CFAP299: variants seen among roughly 807,000 people sequenced by gnomAD.
The protein encoded by CFAP299 is cilia and flagella associated protein 299, also known as cilia- and flagella-associated protein 299.
In CFAP299, 21 loss-of-function variants were observed where a neutral mutation model predicts 27.0. The ratio of observed to expected loss-of-function variants is 0.78; its 90% CI spans 0.55 to 1.12. The LOEUF is 1.12. CFAP299 is among the 50% of genes most tolerant of loss of function. CFAP299 has a pLI of 0.00. For missense variants in CFAP299, 310 were observed against 276.6 expected (o/e 1.12, Z -0.86); for synonymous variants, 104 against 98.1 (o/e 1.06, Z -0.36).
chr4:80,447,138 T>TTTTTTTTTTTTTTTTTTTTTTG (rs1728667569), intron 2 of CFAP299, among the ~76,000 whole-genome samples: 1 of 112,012 alleles, frequency 8.9e-6, no homozygotes, highest in Non-Finnish European at 1.7e-5. Flanking sequence ...TTGTTTTTTT[T>TTTTTTTTTTTTTTTTTTTTTTG]TTTTTTTTTT....
intron 5 of CFAP299, among the ~76,000 whole-genome samples, chr4:80,947,497 G>A (rs778967943): frequency 6.6e-6 from 1 of 152,086 alleles, no homozygotes; most frequent in South Asian, 2.1e-4. Flanking sequence ...AAGATAGAGA[G>A]TTGTTGTAGT....
At chr4:80,911,723 A>G (rs1445496250) in intron 4 of CFAP299, among the ~76,000 whole-genome samples, 1 of 152,196 alleles carries the variant, frequency 6.6e-6, no homozygotes, top group Admixed American at 6.5e-5. Flanking sequence ...AGAGAAAGGA[A>G]ATCAGAATCA....
intron 2 of CFAP299, among the ~76,000 whole-genome samples, chr4:80,438,764 CTTGTA>C (rs1306376356): frequency 5.9e-5 from 9 of 152,108 alleles, no homozygotes; most frequent in African/African-American, 9.7e-5. Context: ...GGTATTTTAA[CTTGTA>C]TTGTACTAGT....
At chr4:80,857,879 G>A (rs1367719376) in intron 3 of CFAP299, among the ~76,000 whole-genome samples, 2 of 151,824 alleles carry the variant, frequency 1.3e-5, no homozygotes, top group Non-Finnish European at 2.9e-5. Flanking sequence ...TTTTTTTGTT[G>A]TGTCTCTGCC....
At chr4:80,399,406 G>T (rs1726008537) in intron 2 of CFAP299, among the ~76,000 whole-genome samples, 1 of 152,054 alleles carries the variant, frequency 6.6e-6, no homozygotes, top group Non-Finnish European at 1.5e-5. Context: ...GTTTATTGCA[G>T]CACTATTCAC....
chr4:80,579,884 G>T (rs1344965934), intron 2 of CFAP299, among the ~76,000 whole-genome samples: 1 of 152,054 alleles, frequency 6.6e-6, no homozygotes, highest in Non-Finnish European at 1.5e-5. Context: ...TACCTTTTGT[G>T]CTGTGGGATC....
At chr4:80,387,874 GGA>G in intron 2 of CFAP299, 1 of 1,174,626 alleles carries the variant, frequency 8.5e-7, no homozygotes, top group Non-Finnish European at 1.3e-6. Flanking sequence ...CAGCATTGGT[GGA>G]GAGTCAAAGA....
At chr4:80,797,745 G>T (rs1727952010) in intron 3 of CFAP299, among the ~76,000 whole-genome samples, 2 of 152,138 alleles carry the variant, frequency 1.3e-5, no homozygotes, top group Non-Finnish European at 2.9e-5. Context: ...GGTCAAGGGT[G>T]TATCTTCTGG....
chr4:80,677,569 TCTC>T (rs1276168585), intron 3 of CFAP299, among the ~76,000 whole-genome samples: 12 of 152,006 alleles, frequency 7.9e-5, no homozygotes, highest in African/African-American at 2.4e-4. Context: ...CCCAGTTTGT[TCTC>T]CTCCTCTCAA....
rs79982239 is a variant in CFAP299, at chr4:80,587,361, C to A, written c.333+4178C>A. 6.8e-3 allele frequency among the ~76,000 whole-genome samples: 1,037 copies of A among 152,080 alleles called. 13 individuals are homozygous for A. Among genetic ancestry groups the A allele is most frequent in the African/African-American group, 0.024 (996 of 41,484 alleles). ...TTATTTCCTGGATAAAAATTTGATA[C>A]AGAGGCAGTGAGAAGTGCAGGAAAG... On this transcript the variant is annotated intron_variant, in intron 3 of 5. Transcript: ENST00000358105.
At chr4:80,341,157 G>A (rs1409810319) in intron 1 of CFAP299, among the ~76,000 whole-genome samples, 1 of 152,204 alleles carries the variant, frequency 6.6e-6, no homozygotes, top group Non-Finnish European at 1.5e-5. Flanking sequence ...AGCAACTCCA[G>A]CCAGGGTTAT....
intron 3 of CFAP299, among the ~76,000 whole-genome samples, chr4:80,583,902 A>T (rs1736299303): frequency 6.6e-6 from 1 of 151,998 alleles, no homozygotes; most frequent in South Asian, 2.1e-4. Flanking sequence ...AAAAATTTAG[A>T]GCAACAGAAA....
chr4:80,725,090 A>G lies in CFAP299; in HGVS notation c.333+141907A>G, dbSNP rs1723078233. Among the ~76,000 whole-genome samples, 4 of 145,190 alleles carry G rather than the reference A, an allele frequency of 2.8e-5. No homozygotes were observed. The Admixed American group carries it at 2.8e-4, about 10-fold the overall frequency. ...CTCCTGAGTAGCTGGGACTACAGGC[A>G]TGCACCACCATGCCTGGCCAATTTT... On this transcript the variant is annotated intron_variant, in intron 3 of 5. Transcript: ENST00000358105.
In CFAP299 at chr4:80,944,160, A is replaced by G. The variant is rs967985933; in HGVS notation, c.477-650A>G. On this transcript the variant is annotated intron_variant, in intron 4 of 5. Coordinates refer to ENST00000358105, the MANE Select transcript of CFAP299 (RefSeq NM_152770.3). ...GAAAGTGGCATATGTATGCTTTGAAACATACAAATTTGGATTGAAATATTA... is the reference window on the plus strand; with the variant it reads ...GAAAGTGGCATATGTATGCTTTGAAGCATACAAATTTGGATTGAAATATTA... 5.3e-5 allele frequency among the ~76,000 whole-genome samples: 8 copies of G among 152,294 alleles called. No homozygotes were observed. The East Asian group carries it at 1.4e-3, about 26-fold the overall frequency.
chr4:80,422,646 T>C (rs1409918372), intron 2 of CFAP299, among the ~76,000 whole-genome samples: 1 of 152,174 alleles, frequency 6.6e-6, no homozygotes, highest in Non-Finnish European at 1.5e-5. Flanking sequence ...GTGAGTATAC[T>C]TAAATGCTTA....
intron 2 of CFAP299, among the ~76,000 whole-genome samples, chr4:80,561,431 T>C (rs1338935433): frequency 1.3e-5 from 2 of 152,098 alleles, no homozygotes; most frequent in Admixed American, 1.3e-4. Context: ...TTAGCATCAG[T>C]GCTATCCAGG....
At chr4:80,912,083 T>C (rs374478371) in intron 4 of CFAP299, among the ~76,000 whole-genome samples, 3 of 152,200 alleles carry the variant, frequency 2.0e-5, no homozygotes, top group African/African-American at 7.2e-5. Context: ...AAATAAAATG[T>C]TCTACTTATT....
the CFAP299 span, among the ~76,000 whole-genome samples, chr4:80,324,151 G>T: frequency 1.3e-5 from 2 of 151,448 alleles, no homozygotes; most frequent in Non-Finnish European, 2.9e-5. Flanking sequence ...CCAACCCCTC[G>T]ATAGGCCCCG....
At chr4:80,859,139 G>C (rs1191801540) in intron 3 of CFAP299, among the ~76,000 whole-genome samples, 1 of 152,186 alleles carries the variant, frequency 6.6e-6, no homozygotes, top group African/African-American at 2.4e-5. Context: ...TCTTCTTGTT[G>C]AATTGATCCC....
Sources: allele counts gnomAD v4.1 joint callset (sites outside exome capture counted in the v4.1 genomes callset), GRCh38; gene constraint gnomAD v4.1.1; transcripts MANE v1.5; gene names NCBI Gene and HGNC (gene_info 2026-07-23, HGNC 2026-07-21).